SORCS3: variants seen among roughly 807,000 people sequenced by gnomAD.
The protein encoded by SORCS3 is VPS10 domain-containing receptor SorCS3.
SORCS3 carries 57 observed loss-of-function variants against 146.3 expected under a neutral mutation model. The observed-to-expected ratio is 0.39, with a 90% confidence interval of 0.31 to 0.49. The LOEUF (loss-of-function observed/expected upper bound fraction) is 0.49. Ranked by LOEUF, SORCS3 falls within the 20% of genes least tolerant of loss-of-function variation. SORCS3 has a pLI of 0.92. For synonymous variants in SORCS3, 653 were observed against 618.5 expected, an observed-to-expected ratio of 1.06 and a Z score of -0.83; for missense variants, 1,341 against 1,575.5, an observed-to-expected ratio of 0.85 and a Z score of 2.52.
intron 13 of SORCS3, among the ~76,000 whole-genome samples, chr10:105,174,073 G>A (rs1357750192): frequency 6.6e-6 from 1 of 152,178 alleles, no homozygotes; most frequent in Non-Finnish European, 1.5e-5. Context: ...GTGGAAGCTA[G>A]GACCTTTCCT....
At chr10:105,239,414 C>A (rs1341845997) in intron 20 of SORCS3, among the ~76,000 whole-genome samples, 1 of 152,196 alleles carries the variant, frequency 6.6e-6, no homozygotes, top group Non-Finnish European at 1.5e-5. Context: ...CTTACTGTGT[C>A]TGGGAAACTG....
At chr10:104,833,055 G>A (rs1214621987) in intron 1 of SORCS3, among the ~76,000 whole-genome samples, 1 of 152,148 alleles carries the variant, frequency 6.6e-6, no homozygotes, top group African/African-American at 2.4e-5. Context: ...ATCAGTCCAG[G>A]TGCTCTGGGT....
chr10:104,727,807 T>C (rs1261464394), intron 1 of SORCS3, among the ~76,000 whole-genome samples: 1 of 152,064 alleles, frequency 6.6e-6, no homozygotes, highest in Non-Finnish European at 1.5e-5. Flanking sequence ...CATTAGATTA[T>C]TATAGGAGCA....
intron 5 of SORCS3, among the ~76,000 whole-genome samples, chr10:105,068,081 A>G (rs2055533579): frequency 6.6e-6 from 1 of 151,906 alleles, no homozygotes; most frequent in Middle Eastern, 3.2e-3. Context: ...CAACATCTCT[A>G]CCCTGATATG....
chr10:104,942,687 CAT>C lies in SORCS3; in HGVS notation c.795+26756_795+26757del, dbSNP rs544821401. Among the ~76,000 whole-genome samples the C allele has an allele frequency of 7.1e-3, 1,083 of 152,236 alleles. 11 individuals carry two copies. The highest frequency in any genetic ancestry group is 0.016 in the African/African-American group (662 of 41,542). On this transcript the variant is annotated intron_variant, in intron 3 of 26. Transcript: ENST00000369701. ...ACAATTACATAATAAAGGAGAAAAT[CAT>C]GTGATAATCTTAAGCAATGCAGAGC...
At position 104,977,507 on chromosome 10, in the gene SORCS3, A is replaced by G; in HGVS notation, c.954+14A>G. The G allele has an allele frequency of 6.3e-7, 1 of 1,583,086 alleles. No individual in the cohort carries two copies. Among genetic ancestry groups the G allele is most frequent in the Non-Finnish European group, 8.6e-7 (1 of 1,166,222 alleles). On this transcript the variant is annotated intron_variant, in intron 4 of 26. Coordinates refer to ENST00000369701, the MANE Select transcript of SORCS3 (RefSeq NM_014978.3). ...TTGGATCAAAAGGTGAATAAATACT[A>G]TTTTCATTTACTTCTTGTCATCCAG... is the stretch of plus-strand genomic sequence containing the variant.
At chr10:104,984,405 A>G (rs970690357) in intron 4 of SORCS3, among the ~76,000 whole-genome samples, 1 of 152,168 alleles carries the variant, frequency 6.6e-6, no homozygotes, top group African/African-American at 2.4e-5. Flanking sequence ...TTGAAATAGT[A>G]TTGATGGGTG....
intron 1 of SORCS3, among the ~76,000 whole-genome samples, chr10:104,795,315 T>C (rs2133503552): frequency 6.6e-6 from 1 of 152,332 alleles, no homozygotes; most frequent in East Asian, 1.9e-4. Context: ...GTTCAAACAC[T>C]ATGAATGGCA....
intron 20 of SORCS3, among the ~76,000 whole-genome samples, chr10:105,229,660 A>T (rs2056755796): frequency 6.6e-6 from 1 of 152,136 alleles, no homozygotes. Flanking sequence ...GCTGGATTGG[A>T]GGCAGTTATT....
chr10:104,819,497 G>A (rs187804449), intron 1 of SORCS3, among the ~76,000 whole-genome samples: 5 of 152,124 alleles, frequency 3.3e-5, no homozygotes, highest in African/African-American at 9.6e-5. Flanking sequence ...CACAATACCC[G>A]ATAAATCCTT....
chr10:105,260,528 A>G (rs987124316), intron 25 of SORCS3, among the ~76,000 whole-genome samples: 1 of 152,246 alleles, frequency 6.6e-6, no homozygotes, highest in Non-Finnish European at 1.5e-5. Context: ...AGTAGGGGTC[A>G]TGGGGACACC....
intron 2 of SORCS3, among the ~76,000 whole-genome samples, chr10:104,872,561 T>G (rs1171986945): frequency 5.6e-5 from 4 of 71,866 alleles, no homozygotes; most frequent in Non-Finnish European, 1.1e-4. Context: ...GGGATCCTCA[T>G]TTTGATTTTT....
intron 6 of SORCS3, among the ~76,000 whole-genome samples, chr10:105,101,479 A>G (rs1476685460): frequency 6.6e-6 from 1 of 152,176 alleles, no homozygotes; most frequent in East Asian, 1.9e-4. Context: ...TCCAGCTAAG[A>G]CGGCAAGGCC....
intron 4 of SORCS3, among the ~76,000 whole-genome samples, chr10:105,038,613 A>G (rs2055320357): frequency 6.6e-6 from 1 of 152,224 alleles, no homozygotes; most frequent in Non-Finnish European, 1.5e-5. Context: ...TTGTTCAAAC[A>G]TCTAAAAATG....
chr10:104,680,806 C>A (rs571939860), intron 1 of SORCS3, among the ~76,000 whole-genome samples: 39 of 152,366 alleles, frequency 2.6e-4, no homozygotes, highest in African/African-American at 8.9e-4. Context: ...AGGAAGCAGG[C>A]AAGCTGCAGG....
chr10:105,162,000 C>T (rs1028548804), intron 11 of SORCS3, among the ~76,000 whole-genome samples: 4 of 151,944 alleles, frequency 2.6e-5, no homozygotes, highest in Admixed American at 6.5e-5. Flanking sequence ...GCCCTCCTCC[C>T]GCCCCTGCCC....
intron 4 of SORCS3, among the ~76,000 whole-genome samples, chr10:105,020,691 A>T (rs139799541): frequency 1.2e-4 from 19 of 152,248 alleles, no homozygotes; most frequent in African/African-American, 4.3e-4. Flanking sequence ...TGTTTGGCCC[A>T]TGGATCACAG....
At chr10:105,124,768 CTCG>C (rs2133767764) in intron 7 of SORCS3, among the ~76,000 whole-genome samples, 1 of 152,236 alleles carries the variant, frequency 6.6e-6, no homozygotes, top group Admixed American at 6.5e-5. Context: ...CTTGTAACCT[CTCG>C]AGGCCAGGCA....
At chr10:105,260,792 T>G (rs974475412) in intron 25 of SORCS3, among the ~76,000 whole-genome samples, 43 of 152,192 alleles carry the variant, frequency 2.8e-4, no homozygotes, top group African/African-American at 1.0e-3. Context: ...TGGGATGTCC[T>G]GGATTAGGAT....
Sources: gnomAD v4.1 joint callset for allele counts (sites outside exome capture counted in the v4.1 genomes callset) on GRCh38, gnomAD v4.1.1 for gene constraint, MANE v1.5 for transcripts, NCBI Gene and HGNC (gene_info 2026-07-23, HGNC 2026-07-21) for gene names.